The following DPY19L2 variants were observed in gnomAD, a reference collection of about 807,000 sequenced individuals.
The protein encoded by DPY19L2 is probable C-mannosyltransferase DPY19L2.
In DPY19L2, 34 loss-of-function variants were observed where a neutral mutation model predicts 97.9. The ratio of observed to expected loss-of-function variants is 0.35; its 90% CI spans 0.26 to 0.46. The LOEUF (loss-of-function observed/expected upper bound fraction) is 0.46. Among genes scored for constraint, DPY19L2 ranks in the 20% least tolerant of loss-of-function variants. The pLI is 1.00. For missense variants in DPY19L2, 623 were observed against 911.4 expected (o/e 0.68, Z 4.07); for synonymous variants, 230 against 307.9 (o/e 0.75, Z 2.65).
intron 5 of DPY19L2, among the ~76,000 whole-genome samples, chr12:63,645,027 A>G (rs1394617244): frequency 6.6e-6 from 1 of 151,982 alleles, no homozygotes; most frequent in Non-Finnish European, 1.5e-5. Flanking sequence ...GAAATGATCC[A>G]GTCATTTGAT....
rs1347529863 is a variant in DPY19L2 at position 63,617,965 on chromosome 12, G to C, written c.1131+186C>G. ...AATAAAACACATCTACAGTCCAGTTGAAAGTATAATCTGTTATAATATGTC... is the reference window on the plus strand; with the variant it reads ...AATAAAACACATCTACAGTCCAGTTCAAAGTATAATCTGTTATAATATGTC... On this transcript the variant is annotated intron_variant, in intron 10 of 21. Coordinates refer to ENST00000324472, the MANE Select transcript of DPY19L2 (RefSeq NM_173812.5). 2.0e-5 allele frequency among the ~76,000 whole-genome samples: 3 copies of C among 152,026 alleles called. No individual in the cohort carries two copies. The East Asian group carries it at 5.8e-4, about 29-fold the overall frequency.
chr12:63,666,503 T>C (rs1195745559), intron 1 of DPY19L2: 2 of 445,204 alleles, frequency 4.5e-6, no homozygotes, highest in Non-Finnish European at 9.0e-6. Flanking sequence ...ATGGAGCTTT[T>C]ACAGGAGCTG....
rs1253473898 is a variant in DPY19L2, at chr12:63,617,569, A to G, written c.1132-179T>C. Among the ~76,000 whole-genome samples the G allele has an allele frequency of 6.6e-5, 10 of 152,204 alleles. No homozygotes were observed. The South Asian group carries it at 1.9e-3, about 28-fold the overall frequency. ...ATTCTAAGTATTAAAATTCAAGACC[A>G]TAAACTCTATCTGGCAGAATTTAAC... On this transcript the variant is annotated intron_variant, in intron 10 of 21. Coordinates refer to ENST00000324472, the MANE Select transcript of DPY19L2 (RefSeq NM_173812.5).
At chr12:63,634,287 A>T (rs1891248105) in intron 6 of DPY19L2, among the ~76,000 whole-genome samples, 1 of 152,178 alleles carries the variant, frequency 6.6e-6, no homozygotes, top group Non-Finnish European at 1.5e-5. Flanking sequence ...AGGAGTACTA[A>T]ATGATGGTAA....
In DPY19L2 at chr12:63,627,591, C is replaced by T. The variant is rs183871509; in HGVS notation, c.804-1065G>A. Among the ~76,000 whole-genome samples the T allele has an allele frequency of 5.8e-3, 883 of 152,198 alleles. 1 individual carries two copies. The highest frequency in any genetic ancestry group is 0.02 in the African/African-American group (848 of 41,484). On this transcript the variant is annotated intron_variant, in intron 6 of 21. Transcript: ENST00000324472. Reference sequence around the variant, plus strand: ...TCTCAAACTCCTGACTTCAAGTGATCCGGCCACCTCAGCCTCCCAAAGTGC... The same window carrying T: ...TCTCAAACTCCTGACTTCAAGTGATTCGGCCACCTCAGCCTCCCAAAGTGC...
chr12:63,659,686 G>A (rs1483685977), intron 4 of DPY19L2, among the ~76,000 whole-genome samples: 6 of 152,046 alleles, frequency 3.9e-5, no homozygotes, highest in African/African-American at 7.2e-5. Flanking sequence ...AATTTTCAAC[G>A]ATTGTACCGA....
intron 12 of DPY19L2, among the ~76,000 whole-genome samples, chr12:63,600,746 C>T (rs1209862954): frequency 6.7e-6 from 1 of 149,102 alleles, no homozygotes; most frequent in African/African-American, 2.5e-5. Flanking sequence ...CCGTGTGCAT[C>T]GGAAAAGTGG....
chr12:63,637,359 C>G (rs1185397070), intron 6 of DPY19L2, among the ~76,000 whole-genome samples: 1 of 151,702 alleles, frequency 6.6e-6, no homozygotes, highest in Non-Finnish European at 1.5e-5. Context: ...GACACCCTAA[C>G]ATCACAATTA....
chr12:63,597,266 C>T (rs541618793), intron 14 of DPY19L2, among the ~76,000 whole-genome samples: 10 of 151,984 alleles, frequency 6.6e-5, no homozygotes, highest in East Asian at 3.9e-4. Context: ...TGAACCACCA[C>T]GCCCAGCCTA....
chr12:63,570,037 G>C (rs1878505909), intron 20 of DPY19L2, among the ~76,000 whole-genome samples: 1 of 152,102 alleles, frequency 6.6e-6, no homozygotes, highest in Non-Finnish European at 1.5e-5. Flanking sequence ...ACATTTCTAA[G>C]GTGTCTGACT....
At chr12:63,661,507 G>T (rs1297054482) in intron 3 of DPY19L2, 26 bp from the exon 4 acceptor site, 3 of 1,456,796 alleles carry the variant, frequency 2.1e-6, no homozygotes, top group Admixed American at 2.6e-5. Context: ...GACATATATT[G>T]TCAATGTAAT....
intron 3 of DPY19L2, 31 bp from the exon 4 acceptor site, chr12:63,661,512 T>G (rs1296380022): frequency 1.4e-6 from 2 of 1,466,222 alleles, no homozygotes; most frequent in South Asian, 1.4e-5. Context: ...ATATTGTCAA[T>G]GTAATTAAAA....
intron 20 of DPY19L2, 83 bp downstream of exon 20, chr12:63,570,674 TG>T: frequency 9.0e-7 from 1 of 1,114,750 alleles, no homozygotes; most frequent in Non-Finnish European, 1.3e-6. Context: ...TGTGTGTGTG[TG>T]TGTGTGTGTG....
chr12:63,602,271 A>C (rs1307890151), intron 12 of DPY19L2, among the ~76,000 whole-genome samples: 2 of 152,084 alleles, frequency 1.3e-5, no homozygotes, highest in Non-Finnish European at 2.9e-5. Context: ...ATACTATCAA[A>C]AAAAATAAAA....
chr12:63,605,059 T>A (rs1173729499), intron 12 of DPY19L2, among the ~76,000 whole-genome samples: 1 of 152,162 alleles, frequency 6.6e-6, no homozygotes, highest in East Asian at 1.9e-4. Flanking sequence ...CAGTTTAGTT[T>A]TCAGAGCCTT....
chr12:63,562,492 G>A (rs1261323125), intron 21 of DPY19L2, among the ~76,000 whole-genome samples: 1 of 149,194 alleles, frequency 6.7e-6, no homozygotes, highest in Non-Finnish European at 1.5e-5. Flanking sequence ...GAACATTTGT[G>A]TACAATTACT....
At chr12:63,587,746 T>C (rs1882059708) in intron 16 of DPY19L2, among the ~76,000 whole-genome samples, 1 of 151,884 alleles carries the variant, frequency 6.6e-6, no homozygotes, top group South Asian at 2.1e-4. Flanking sequence ...CTAATTTGTG[T>C]ATTTTTAGTG....
chr12:63,623,966 A>G, intron 8 of DPY19L2, 74 bp downstream of exon 8: 1 of 1,204,016 alleles, frequency 8.3e-7, no homozygotes, highest in South Asian at 1.3e-5. Flanking sequence ...AGCTTCCCAA[A>G]GTGCTGAATT....
At chr12:63,610,987 C>G (rs1412827302) in intron 11 of DPY19L2, among the ~76,000 whole-genome samples, 2 of 150,100 alleles carry the variant, frequency 1.3e-5, no homozygotes, top group Non-Finnish European at 3.0e-5. Context: ...TGTTCAACAT[C>G]ACTTATCATC....
Sources: allele counts gnomAD v4.1 joint callset (sites outside exome capture counted in the v4.1 genomes callset), GRCh38; gene constraint gnomAD v4.1.1; transcripts MANE v1.5; gene names NCBI Gene and HGNC (gene_info 2026-07-23, HGNC 2026-07-21).